The following ZNF236 variants were observed in gnomAD, a reference collection of about 807,000 sequenced individuals.
The protein encoded by ZNF236 is regulated by glucose.
ZNF236 carries 50 observed loss-of-function variants against 191.2 expected under a neutral mutation model. The observed-to-expected ratio is 0.26, with a 90% CI of 0.21 to 0.33. The LOEUF is 0.33. Among genes scored for constraint, ZNF236 ranks in the 10% least tolerant of loss-of-function variants. The pLI, the probability that ZNF236 is intolerant of heterozygous loss-of-function variation, is 1.00. For synonymous variants in ZNF236, 907 were observed against 928.8 expected (o/e 0.98, Z 0.43); for missense variants, 1,754 against 2,374.5 (o/e 0.74, Z 5.43).
chr18:76,914,131 C>T (rs1219654653), intron 18 of ZNF236, among the ~76,000 whole-genome samples: 1 of 152,150 alleles, frequency 6.6e-6, no homozygotes, highest in African/African-American at 2.4e-5. Context: ...ATGCCCAGAA[C>T]CTCAGGCACC....
chr18:76,913,041 G>A (rs762865645), intron 17 of ZNF236, among the ~76,000 whole-genome samples: 3 of 152,224 alleles, frequency 2.0e-5, no homozygotes, highest in Non-Finnish European at 2.9e-5. Flanking sequence ...TTGCCTCTAC[G>A]TGGGCACCCA....
intron 2 of ZNF236, among the ~76,000 whole-genome samples, chr18:76,851,037 T>C (rs1975848432): frequency 7.4e-6 from 1 of 135,094 alleles, no homozygotes; most frequent in Non-Finnish European, 1.6e-5. Flanking sequence ...CTTTTTTTTT[T>C]TTTAAAAAAA....
At chr18:76,915,496 TA>T in intron 18 of ZNF236, 150 bp from the exon 19 acceptor site, 1 of 712,138 alleles carries the variant, frequency 1.4e-6, no homozygotes, top group Non-Finnish European at 2.3e-6. Flanking sequence ...TTTTGTAATT[TA>T]CTTTTTTTTT....
intron 9 of ZNF236, among the ~76,000 whole-genome samples, chr18:76,882,277 C>T (rs887336253): frequency 2.0e-5 from 3 of 152,216 alleles, no homozygotes; most frequent in South Asian, 2.1e-4. Context: ...ATCTTCAGTG[C>T]TCCTCCTCGT....
intron 30 of ZNF236, among the ~76,000 whole-genome samples, chr18:76,964,246 AT>A (rs1179241711): frequency 1.3e-5 from 2 of 152,146 alleles, no homozygotes; most frequent in East Asian, 3.9e-4. Context: ...CCCAGAGGTT[AT>A]GATAGGTTAT....
intron 22 of ZNF236, among the ~76,000 whole-genome samples, chr18:76,926,784 G>A (rs1030739385): frequency 6.0e-5 from 9 of 151,218 alleles, no homozygotes; most frequent in African/African-American, 2.2e-4. Context: ...GGTATAAAGG[G>A]TGATTAGACA....
intron 1 of ZNF236, among the ~76,000 whole-genome samples, chr18:76,846,154 A>G (rs1975673407): frequency 6.6e-6 from 1 of 152,022 alleles, no homozygotes; most frequent in African/African-American, 2.4e-5. Flanking sequence ...GTCTCGCTAT[A>G]TTGCCCAGAC....
At position 76,868,072 on chromosome 18, in the gene ZNF236, C is replaced by T. The variant is rs572289439; in HGVS notation, c.364-613C>T. On this transcript the variant is annotated intron_variant, in intron 3 of 30. Transcript: ENST00000320610. ...AACTCAAATATGAAAGATTACTGAG[C>T]TGTCATTCTTGTATTTTTGCTCGGA... Among the ~76,000 whole-genome samples the T allele has an allele frequency of 2.0e-5, 3 of 152,046 alleles. No homozygotes were observed. In the South Asian group the frequency reaches 6.2e-4, roughly 32 times the overall value.
chr18:76,908,180 T>C (rs1967110138), intron 13 of ZNF236, 140 bp from the exon 14 acceptor site: 1 of 1,167,968 alleles, frequency 8.6e-7, no homozygotes. Flanking sequence ...AGTTTTTACC[T>C]GAATTGCCAT....
intron 9 of ZNF236, among the ~76,000 whole-genome samples, chr18:76,884,130 A>G (rs1486053269): frequency 6.6e-6 from 1 of 152,166 alleles, no homozygotes; most frequent in East Asian, 1.9e-4. Context: ...GACCAGGTGC[A>G]GTGGCTCGTG....
chr18:76,884,688 C>T (rs1976998235), intron 9 of ZNF236, among the ~76,000 whole-genome samples: 1 of 152,168 alleles, frequency 6.6e-6, no homozygotes, highest in Non-Finnish European at 1.5e-5. Context: ...TGTCCTATTT[C>T]AGTCCACGGG....
chr18:76,965,076 A>G (rs1420519996), intron 30 of ZNF236, among the ~76,000 whole-genome samples: 1 of 151,916 alleles, frequency 6.6e-6, no homozygotes, highest in African/African-American at 2.4e-5. Flanking sequence ...CTTTGTTCAT[A>G]TTTTCTTATT....
intron 1 of ZNF236, among the ~76,000 whole-genome samples, chr18:76,832,560 C>A (rs1393407581): frequency 6.6e-6 from 1 of 150,868 alleles, no homozygotes; most frequent in Non-Finnish European, 1.5e-5. Context: ...TCTGTACTTA[C>A]TCTTTTCCAC....
intron 9 of ZNF236, among the ~76,000 whole-genome samples, chr18:76,894,796 G>A (rs1977351576): frequency 6.6e-6 from 1 of 152,100 alleles, no homozygotes; most frequent in Non-Finnish European, 1.5e-5. Context: ...CCTGTCAGTG[G>A]GCGCTCTTTT....
chr18:76,877,921 A>AATGGTAAATT, intron 6 of ZNF236, 88 bp from the exon 7 acceptor site: 1 of 1,055,992 alleles, frequency 9.5e-7, no homozygotes, highest in Non-Finnish European at 1.3e-6. Context: ...TTTTGAATGG[A>AATGGTAAATT]ATGGTAAATT....
At chr18:76,843,091 A>G (rs1975557670) in intron 1 of ZNF236, among the ~76,000 whole-genome samples, 1 of 152,206 alleles carries the variant, frequency 6.6e-6, no homozygotes, top group Non-Finnish European at 1.5e-5. Context: ...GCTCCTGGGA[A>G]CAACCACATG....
At chr18:76,946,171 G>T (rs543104954) in intron 26 of ZNF236, among the ~76,000 whole-genome samples, 4 of 152,164 alleles carry the variant, frequency 2.6e-5, no homozygotes, top group African/African-American at 9.7e-5. Context: ...ATTCATGGGG[G>T]CAAGTCTTTC....
In ZNF236 at chr18:76,875,412, A is replaced by G. The variant is rs925458195; in HGVS notation, c.668-80A>G. The G allele has an allele frequency of 3.8e-6, 5 of 1,333,200 alleles. No homozygotes were observed. Among genetic ancestry groups the G allele is most frequent in the Admixed American group, 2.9e-5 (1 of 34,668 alleles). 82.6% of individuals were successfully genotyped at this position (1,333,200 alleles called of 1,614,324 possible). A position where few individuals can be genotyped will look rare whatever the true frequency, so the allele number is the denominator to read the frequency against. Reference sequence around the variant, plus strand: ...TTGGCTGGAGGGATAGGTTTGGGTAACTTCAGTGTTGTTCTTTTCAATCCG... The same window carrying G: ...TTGGCTGGAGGGATAGGTTTGGGTAGCTTCAGTGTTGTTCTTTTCAATCCG... On this transcript the variant is annotated intron_variant, in intron 5 of 30. Coordinates refer to ENST00000320610, the MANE Select transcript of ZNF236 (RefSeq NM_001306089.2). The surrounding 1 kb of genome is among the most constrained non-coding windows in gnomAD (Gnocchi z 4.3).
rs192769262 is a variant in ZNF236, at chr18:76,952,587, G to T, written c.4915-3398G>T. ...CCTCTGGTGATGTCTGTGCATCCCT[G>T]CTCCCATGCTTTCTGGCCAGGAGCC... On this transcript the variant is annotated intron_variant, in intron 27 of 30. Transcript: ENST00000320610. 2.8e-3 allele frequency among the ~76,000 whole-genome samples: 427 copies of T among 152,284 alleles called. 6 individuals carry two copies. Among genetic ancestry groups the T allele is most frequent in the African/African-American group, 9.9e-3 (412 of 41,554 alleles).
Sources: gnomAD v4.1 joint callset for allele counts (sites outside exome capture counted in the v4.1 genomes callset) on GRCh38, gnomAD v4.1.1 for gene constraint, Gnocchi (gnomAD v3.1) non-coding constraint, MANE v1.5 for transcripts, NCBI Gene and HGNC (gene_info 2026-07-23, HGNC 2026-07-21) for gene names.